Variants in BCLAF3 observed in about 807,000 individuals in gnomAD.
BCLAF3 encodes transient octamer binding factor 1.
BCLAF3 carries 24 observed loss-of-function variants against 51.2 expected under a neutral mutation model. The ratio of observed to expected loss-of-function variants is 0.47; its 90% CI spans 0.34 to 0.66. The LOEUF (loss-of-function observed/expected upper bound fraction) is 0.66. BCLAF3 is among the 30% of genes least tolerant of loss of function. BCLAF3 has a pLI of 0.01. For synonymous variants in BCLAF3, 152 were observed against 176.6 expected (o/e 0.86, Z 1.10); for missense variants, 465 against 525.1 (o/e 0.89, Z 1.12).
chrX:19,955,368 AC>A, intron 5 of BCLAF3, 22 bp downstream of exon 5: 1 of 1,152,621 alleles, frequency 8.7e-7, no homozygotes, highest in South Asian at 2.0e-5. Context: ...GTTATCCCTA[AC>A]GTATGTGCAA....
intron 1 of BCLAF3, among the ~76,000 whole-genome samples, chrX:19,971,720 C>A (rs951774693): frequency 8.9e-6 from 1 of 111,837 alleles, no homozygotes; most frequent in Non-Finnish European, 1.9e-5. Context: ...CCCCTGGTGG[C>A]TTCTAGAACG....
intron 8 of BCLAF3, among the ~76,000 whole-genome samples, chrX:19,950,535 T>C (rs1019064092): frequency 2.7e-5 from 3 of 112,372 alleles, no homozygotes; most frequent in African/African-American, 9.7e-5. Context: ...ACCTCAAATA[T>C]TCACCTACCC....
chrX:19,916,954 T>C lies in BCLAF3; in HGVS notation c.*351A>G, dbSNP rs2069951456. The C allele has an allele frequency of 5.5e-6, 1 of 182,266 alleles. No individual in the cohort carries two copies. The highest frequency in any genetic ancestry group is 3.1e-5 in the African/African-American group (1 of 32,503). 15.0% of individuals were successfully genotyped at this position (182,266 alleles called of 1,213,427 possible). The stretch of plus-strand genomic sequence containing the variant: ...TTCAGACACTTGTTTTTGTTTTTAT[T>C]ATGTAAGCAAAACTTTCAACATATA... On this transcript the variant is annotated 3_prime_UTR_variant, in exon 12 of 12. Coordinates refer to ENST00000379682, the MANE Select transcript of BCLAF3 (RefSeq NM_001367774.2).
chrX:19,922,293 T>C lies in BCLAF3; in HGVS notation c.2107-4959A>G, dbSNP rs952721959. ...GTGAGTCCAGAGAACTGAGTGGCATTCCTATAAATAGAAGTCCCTTCATTC... is the reference window on the plus strand; with the variant it reads ...GTGAGTCCAGAGAACTGAGTGGCATCCCTATAAATAGAAGTCCCTTCATTC... On this transcript the variant is annotated intron_variant, in intron 11 of 11. Coordinates refer to ENST00000379682, the MANE Select transcript of BCLAF3 (RefSeq NM_001367774.2). Among the ~76,000 whole-genome samples, 26 of 111,391 alleles carry C rather than the reference T, an allele frequency of 2.3e-4. No homozygotes were observed. In the Admixed American group the frequency reaches 2.5e-3, roughly 11 times the overall value.
chrX:19,974,807 G>A (rs1029900627), intron 1 of BCLAF3, among the ~76,000 whole-genome samples: 20 of 110,630 alleles, frequency 1.8e-4, no homozygotes, highest in Non-Finnish European at 3.4e-4. Context: ...GCTTGAACCC[G>A]GGGGGCGGAG....
chrX:19,923,683 T>C (rs1781293888), intron 11 of BCLAF3, among the ~76,000 whole-genome samples: 1 of 111,124 alleles, frequency 9.0e-6, no homozygotes, highest in African/African-American at 3.3e-5. Flanking sequence ...ACCACTAATT[T>C]ACTTTATGTC....
intron 11 of BCLAF3, among the ~76,000 whole-genome samples, chrX:19,928,746 A>T (rs1267361848): frequency 8.9e-6 from 1 of 111,881 alleles, no homozygotes; most frequent in Non-Finnish European, 1.9e-5. Flanking sequence ...TTCAGCCTTA[A>T]AAAGAAGGAA....
intron 4 of BCLAF3, among the ~76,000 whole-genome samples, chrX:19,956,033 T>G (rs951191291): frequency 4.5e-5 from 5 of 112,068 alleles, no homozygotes; most frequent in African/African-American, 1.3e-4. Flanking sequence ...GTATCAATAA[T>G]AAGAAGCTTA....
chrX:19,944,876 A>G (rs1353466913), intron 8 of BCLAF3, among the ~76,000 whole-genome samples: 1 of 92,564 alleles, frequency 1.1e-5, no homozygotes. Flanking sequence ...GTGTTTTCCA[A>G]CTTGGTTCCA....
intron 1 of BCLAF3, among the ~76,000 whole-genome samples, chrX:19,977,755 A>T (rs1048791388): frequency 2.7e-5 from 3 of 112,249 alleles, no homozygotes; most frequent in Admixed American, 1.9e-4. Flanking sequence ...GGAAGATGGG[A>T]CTTTCACAAT....
At chrX:19,976,230 G>A (rs921230549) in intron 1 of BCLAF3, among the ~76,000 whole-genome samples, 1 of 111,523 alleles carries the variant, frequency 9.0e-6, no homozygotes, top group Non-Finnish European at 1.9e-5. Flanking sequence ...TTTCAACAAA[G>A]AGGAAATACA....
At position 19,965,488 on chromosome X, in the gene BCLAF3, A is replaced by C; in HGVS notation, c.830T>G (p.Val277Gly). ...ACGTTTGTGACGATAGTCATAGGAT[A>C]CTTTGGTTGCTGAACTGGTCTCTGG... ...EHPETSSATK[V>G]SYDYRHKRPK... is the part of the protein sequence containing the mutation. The change falls in exon 4 of 12, where the codon GTA (valine) becomes GGA (glycine). Residue 277 changes from valine (V) to glycine (G), a missense_variant. Physicochemically the swap from Val to Gly is moderately radical, Grantham distance 109. Coordinates refer to ENST00000379682, the MANE Select transcript of BCLAF3 (RefSeq NM_001367774.2). The C allele has an allele frequency of 8.3e-7, 1 of 1,210,559 alleles. No homozygotes were observed. Among genetic ancestry groups the C allele is most frequent in the Non-Finnish European group, 1.1e-6 (1 of 895,127 alleles).
intron 11 of BCLAF3, among the ~76,000 whole-genome samples, chrX:19,925,002 A>G (rs2070312976): frequency 9.0e-6 from 1 of 111,357 alleles, no homozygotes; most frequent in Admixed American, 9.6e-5. Context: ...AAGAGAAAAT[A>G]AACACAGTAA....
intron 1 of BCLAF3, among the ~76,000 whole-genome samples, chrX:19,985,796 A>G (rs2148063936): frequency 9.0e-6 from 1 of 110,728 alleles, no homozygotes; most frequent in South Asian, 3.9e-4. Flanking sequence ...AAATTATCAA[A>G]ATTAGCCAAG....
chrX:19,960,828 A>C (rs1229285731), intron 4 of BCLAF3, among the ~76,000 whole-genome samples: 1 of 111,851 alleles, frequency 8.9e-6, no homozygotes, highest in Admixed American at 9.5e-5. Flanking sequence ...AAAAGAGCTG[A>C]TAGGGGTAGA....
chrX:19,939,016 C>T (rs1369712283), intron 8 of BCLAF3, among the ~76,000 whole-genome samples: 2 of 111,890 alleles, frequency 1.8e-5, no homozygotes, highest in African/African-American at 6.5e-5. Context: ...TTTTGTGGCC[C>T]CAGCTCTGAT....
At chrX:19,971,380 G>C (rs1224188601) in intron 1 of BCLAF3, among the ~76,000 whole-genome samples, 1 of 112,312 alleles carries the variant, frequency 8.9e-6, no homozygotes, top group African/African-American at 3.2e-5. Flanking sequence ...ACCACATCCG[G>C]TCAGAATTAC....
intron 1 of BCLAF3, among the ~76,000 whole-genome samples, chrX:19,977,001 C>G (rs555441940): frequency 1.8e-5 from 2 of 111,529 alleles, no homozygotes; most frequent in African/African-American, 6.5e-5. Context: ...TTATGGTGAT[C>G]TGTGATCTTT....
chrX:19,962,326 C>A (rs2071884305), intron 4 of BCLAF3, among the ~76,000 whole-genome samples: 1 of 110,950 alleles, frequency 9.0e-6, no homozygotes, highest in Non-Finnish European at 1.9e-5. Context: ...GGACTATAGG[C>A]ACATGTCAAC....
Sources: gnomAD v4.1 joint callset for allele counts (sites outside exome capture counted in the v4.1 genomes callset) on GRCh38, gnomAD v4.1.1 for gene constraint, MANE v1.5 for transcripts, NCBI Gene and HGNC (gene_info 2026-07-23, HGNC 2026-07-21) for gene names.